GPR26: variants seen among roughly 807,000 people sequenced by gnomAD.
GPR26 encodes the protein G protein-coupled receptor 26.
A neutral mutation model predicts 23.1 loss-of-function variants in GPR26; 15 were observed. That is an observed-to-expected ratio of 0.65 (90% CI 0.43 to 1.00). GPR26 has a LOEUF of 1.00. GPR26 is among the 50% of genes least tolerant of loss of function. The pLI is 0.00. For synonymous variants in GPR26, 228 were observed against 222.1 expected (o/e 1.03, Z -0.24); for missense variants, 359 against 470.5 (o/e 0.76, Z 2.19).
chr10:123,688,250 G>T lies in GPR26; in HGVS notation c.*90G>T. On this transcript the variant is annotated 3_prime_UTR_variant, in exon 3 of 3. Transcript: ENST00000284674. Reference sequence around the variant, plus strand: ...GGGGGCCCCTGGGTGGACACCACCAGCCACCAGTCCCTGGCATGCCCAGTG... The same window carrying T: ...GGGGGCCCCTGGGTGGACACCACCATCCACCAGTCCCTGGCATGCCCAGTG... 1.3e-6 allele frequency: 1 copy of T among 791,934 alleles called. No homozygotes were observed. Among genetic ancestry groups the T allele is most frequent in the Non-Finnish European group, 2.1e-6 (1 of 479,512 alleles). The allele number at this position is 791,934 out of a possible 1,614,324, so 49.1% of individuals were successfully genotyped here. A position where few individuals can be genotyped will look rare whatever the true frequency, so the allele number is the denominator to read the frequency against.
Position 123,688,279 on chromosome 10 carries a change from C to T in GPR26, c.*119C>T, listed in dbSNP as rs953994112. Reference sequence around the variant, plus strand: ...CCAGTCCCTGGCATGCCCAGTGATCCTGGTTCCCTGGCTTGTAGGGGCTCC... The same window carrying T: ...CCAGTCCCTGGCATGCCCAGTGATCTTGGTTCCCTGGCTTGTAGGGGCTCC... On this transcript the variant is annotated 3_prime_UTR_variant, in exon 3 of 3. Coordinates refer to ENST00000284674, the MANE Select transcript of GPR26 (RefSeq NM_153442.4). 1 of 682,958 alleles carries T rather than the reference C, an allele frequency of 1.5e-6. No homozygotes were observed. 42.3% of individuals were successfully genotyped at this position (682,958 alleles called of 1,614,324 possible).
chr10:123,680,820 G>GTT (rs202197972), intron 2 of GPR26, among the ~76,000 whole-genome samples: 12 of 33,398 alleles, frequency 3.6e-4, no homozygotes, highest in South Asian at 2.4e-3. Context: ...GTTTTGTTTT[G>GTT]TTTTTTTGGG....
intron 1 of GPR26, 94 bp downstream of exon 1, chr10:123,667,169 C>A (rs1344835371): frequency 5.2e-6 from 5 of 957,082 alleles, no homozygotes; most frequent in Non-Finnish European, 6.0e-6. Flanking sequence ...TTCCACCGAG[C>A]CTCTGTTTCT....
At position 123,696,463 on chromosome 10, in the gene GPR26, T is replaced by G. The variant is rs1845545433; in HGVS notation, c.*8303T>G. Reference sequence around the variant, plus strand: ...ACCATAGCTTGGGGCATCCAGAGAGTGGCTAGTAGATGATAGAAGGGAGTC... The same window carrying G: ...ACCATAGCTTGGGGCATCCAGAGAGGGGCTAGTAGATGATAGAAGGGAGTC... On this transcript the variant is annotated 3_prime_UTR_variant, in exon 3 of 3. Transcript: ENST00000284674. 6.6e-6 allele frequency among the ~76,000 whole-genome samples: 1 copy of G among 151,836 alleles called. No individual in the cohort carries two copies. Among genetic ancestry groups the G allele is most frequent in the African/African-American group, 2.4e-5 (1 of 41,286 alleles).
At chr10:123,686,840 C>T (rs1393660381) in intron 2 of GPR26, among the ~76,000 whole-genome samples, 1 of 152,114 alleles carries the variant, frequency 6.6e-6, no homozygotes, top group Non-Finnish European at 1.5e-5. Context: ...TCTGGCAACC[C>T]CTTTCCCTCT....
chr10:123,669,941 C>T (rs1272740531), intron 1 of GPR26, among the ~76,000 whole-genome samples: 5 of 152,234 alleles, frequency 3.3e-5, no homozygotes, highest in African/African-American at 1.2e-4. Flanking sequence ...ATTCACTTCT[C>T]CCAAACCATA....
At chr10:123,685,510 G>A (rs72841608) in intron 2 of GPR26, among the ~76,000 whole-genome samples, 3,880 of 152,280 alleles carry the variant, frequency 0.025, 70 homozygotes, top group Non-Finnish European at 0.041. Flanking sequence ...GCTACCCCCC[G>A]CCAGTGGCCA....
At chr10:123,676,171 CTCT>C (rs1845308393) in intron 2 of GPR26, among the ~76,000 whole-genome samples, 1 of 152,126 alleles carries the variant, frequency 6.6e-6, no homozygotes, top group African/African-American at 2.4e-5. Context: ...GAGTCCAGCT[CTCT>C]TCTTCTTTTC....
At chr10:123,687,855 C>T in intron 2 of GPR26, 74 bp from the exon 3 acceptor site, 1 of 997,544 alleles carries the variant, frequency 1.0e-6, no homozygotes, top group Non-Finnish European at 1.6e-6. Context: ...AGGGCACAGA[C>T]AGGCCCTGGC....
chr10:123,696,431 C>G lies in GPR26; in HGVS notation c.*8271C>G, dbSNP rs1206684595. 6.6e-6 allele frequency among the ~76,000 whole-genome samples: 1 copy of G among 152,028 alleles called. No individual in the cohort carries two copies. Among genetic ancestry groups the G allele is most frequent in the Admixed American group, 6.6e-5 (1 of 15,256 alleles). On this transcript the variant is annotated 3_prime_UTR_variant, in exon 3 of 3. Transcript: ENST00000284674. ...TCTGTGAAAAGTGGGGTGGGGAACTCACACCAACCATAGCTTGGGGCATCC... is the reference window on the plus strand; with the variant it reads ...TCTGTGAAAAGTGGGGTGGGGAACTGACACCAACCATAGCTTGGGGCATCC...
intron 2 of GPR26, among the ~76,000 whole-genome samples, chr10:123,677,993 C>T (rs1164098770): frequency 6.6e-6 from 1 of 152,126 alleles, no homozygotes; most frequent in East Asian, 1.9e-4. Context: ...ACCTGTCATC[C>T]CAGGGCTTTG....
At chr10:123,675,950 T>TCAC (rs1845305803) in intron 2 of GPR26, among the ~76,000 whole-genome samples, 1 of 151,980 alleles carries the variant, frequency 6.6e-6, no homozygotes, top group African/African-American at 2.4e-5. Flanking sequence ...CACCCCTGCC[T>TCAC]CACCATCACT....
rs552268503 is a variant in GPR26, at chr10:123,673,968, C to T, written c.669-850C>T. The stretch of plus-strand genomic sequence containing the variant: ...TCCTTTTCTTCTTTTTTGTTGTTGT[C>T]GTTGTTGAGACAAAGTTTCGCTTTT... On this transcript the variant is annotated intron_variant, in intron 1 of 2. Transcript: ENST00000284674. Among the ~76,000 whole-genome samples the T allele has an allele frequency of 1.4e-4, 21 of 149,776 alleles. No individual in the cohort carries two copies. The East Asian group carries it at 2.5e-3, about 18-fold the overall frequency.
In GPR26 at chr10:123,691,853, A is replaced by G. The variant is rs992423465; in HGVS notation, c.*3693A>G. ...CAGGACCTGGGTTTCCGCACTTTTA[A>G]TCATCGATGCCCAGGTAACTGATAG... is the stretch of plus-strand genomic sequence containing the variant. On this transcript the variant is annotated 3_prime_UTR_variant, in exon 3 of 3. Transcript: ENST00000284674. The G allele has an allele frequency of 6.6e-6, 1 of 152,150 alleles. No homozygotes were observed. The highest frequency in any genetic ancestry group is 2.4e-5 in the African/African-American group (1 of 41,438). The allele number at this position is 152,150 out of a possible 1,614,324, so 9.4% of individuals were successfully genotyped here.
At chr10:123,685,315 G>C (rs577271585) in intron 2 of GPR26, among the ~76,000 whole-genome samples, 6 of 152,358 alleles carry the variant, frequency 3.9e-5, no homozygotes, top group Non-Finnish European at 7.3e-5. Flanking sequence ...TCTGGAATTA[G>C]AAAGAAGTCG....
intron 2 of GPR26, among the ~76,000 whole-genome samples, chr10:123,683,012 G>A (rs183904583): frequency 1.3e-4 from 19 of 145,632 alleles, no homozygotes; most frequent in South Asian, 2.3e-4. Flanking sequence ...GTGTATGTAT[G>A]TATGTGTGTG....
chr10:123,695,269 G>A lies in GPR26; in HGVS notation c.*7109G>A, dbSNP rs1050669344. Among the ~76,000 whole-genome samples, 3 of 152,196 alleles carry A rather than the reference G, an allele frequency of 2.0e-5. No individual in the cohort carries two copies. The highest frequency in any genetic ancestry group is 7.2e-5 in the African/African-American group (3 of 41,448). ...GGATTTTTAACTCAAAAGACGATGTGTACCCCTTGGGGCATGCGTGTGTTC... is the reference window on the plus strand; with the variant it reads ...GGATTTTTAACTCAAAAGACGATGTATACCCCTTGGGGCATGCGTGTGTTC... On this transcript the variant is annotated 3_prime_UTR_variant, in exon 3 of 3. Coordinates refer to ENST00000284674, the MANE Select transcript of GPR26 (RefSeq NM_153442.4).
Position 123,673,848 on chromosome 10 carries a change from C to T in GPR26, c.669-970C>T, listed in dbSNP as rs75874595. Among the ~76,000 whole-genome samples the T allele has an allele frequency of 1.8e-3, 273 of 152,322 alleles. 3 individuals are homozygous for T. Among genetic ancestry groups the T allele is most frequent in the Non-Finnish European group, 1.2e-3 (80 of 68,024 alleles). On this transcript the variant is annotated intron_variant, in intron 1 of 2. Coordinates refer to ENST00000284674, the MANE Select transcript of GPR26 (RefSeq NM_153442.4). ...ATGCACGAGGGTTCAAATCCTGCCT[C>T]CACTTAAGCAAATCACTTGGCCTCA...
At position 123,693,802 on chromosome 10, in the gene GPR26, A is replaced by G. The variant is rs2133935528; in HGVS notation, c.*5642A>G. On this transcript the variant is annotated 3_prime_UTR_variant, in exon 3 of 3. Coordinates refer to ENST00000284674, the MANE Select transcript of GPR26 (RefSeq NM_153442.4). ...GGGGTTGACTGTCTAGAAAGGAGGAATCAGAGGTCCCAAGGAACACAATCG... is the reference window on the plus strand; with the variant it reads ...GGGGTTGACTGTCTAGAAAGGAGGAGTCAGAGGTCCCAAGGAACACAATCG... The G allele has an allele frequency of 6.6e-6, 1 of 152,378 alleles. No homozygotes were observed. Among genetic ancestry groups the G allele is most frequent in the East Asian group, 1.9e-4 (1 of 5,174 alleles). 9.4% of individuals were successfully genotyped at this position (152,378 alleles called of 1,614,324 possible).
Sources: allele counts gnomAD v4.1 joint callset (sites outside exome capture counted in the v4.1 genomes callset), GRCh38; gene constraint gnomAD v4.1.1; transcripts MANE v1.5; gene names NCBI Gene and HGNC (gene_info 2026-07-23, HGNC 2026-07-21).